COL21A1: variants seen among roughly 807,000 people sequenced by gnomAD.
COL21A1 encodes collagen type XXI alpha 1 chain, also known as collagen alpha-1(XXI) chain.
In COL21A1, 149 loss-of-function variants were observed where a neutral mutation model predicts 137.9. The observed-to-expected ratio is 1.08, with a 90% CI of 0.95 to 1.24. The LOEUF is 1.24. Ranked by LOEUF, COL21A1 falls within the 50% of genes most tolerant of loss-of-function variation. The pLI, the probability that COL21A1 is intolerant of heterozygous loss-of-function variation, is 0.00. For synonymous variants in COL21A1, 456 were observed against 391.5 expected (o/e 1.16, Z -1.95); for missense variants, 1,167 against 1,158.4 (o/e 1.01, Z -0.11).
At chr6:56,198,536 T>C (rs1489654097) in intron 1 of COL21A1, among the ~76,000 whole-genome samples, 1 of 151,830 alleles carries the variant, frequency 6.6e-6, no homozygotes, top group African/African-American at 2.4e-5. Flanking sequence ...TTGTTAAACC[T>C]CACATAAATA....
At chr6:56,280,069 A>G (rs1204356407) in intron 1 of COL21A1, among the ~76,000 whole-genome samples, 1 of 152,074 alleles carries the variant, frequency 6.6e-6, no homozygotes, top group Non-Finnish European at 1.5e-5. Context: ...CCTTCCAAAT[A>G]ATGTTTTACT....
intron 16 of COL21A1, among the ~76,000 whole-genome samples, chr6:56,115,704 A>C (rs1055782091): frequency 6.6e-6 from 1 of 152,206 alleles, no homozygotes; most frequent in Non-Finnish European, 1.5e-5. Context: ...ATTCTAGAGA[A>C]ATAGAAATAT....
At chr6:56,295,612 C>G (rs922501373) in intron 1 of COL21A1, among the ~76,000 whole-genome samples, 1 of 98,854 alleles carries the variant, frequency 1.0e-5, no homozygotes, top group Non-Finnish European at 2.3e-5. Flanking sequence ...TCTTTGATTT[C>G]TTTCATCAGA....
intron 1 of COL21A1, among the ~76,000 whole-genome samples, chr6:56,286,535 T>C (rs1763918301): frequency 6.6e-6 from 1 of 152,230 alleles, no homozygotes; most frequent in Non-Finnish European, 1.5e-5. Flanking sequence ...GCTGATACCA[T>C]GTAAGCTACT....
intron 1 of COL21A1, among the ~76,000 whole-genome samples, chr6:56,280,170 A>T (rs1441947384): frequency 6.6e-6 from 1 of 152,176 alleles, no homozygotes; most frequent in Non-Finnish European, 1.5e-5. Context: ...GTTCATACCA[A>T]GGACTCATCT....
chr6:56,123,076 A>G (rs1415837998), intron 16 of COL21A1, among the ~76,000 whole-genome samples: 2 of 152,260 alleles, frequency 1.3e-5, no homozygotes, highest in African/African-American at 4.8e-5. Context: ...AGGCAAAGAT[A>G]AAGTCTGTGT....
intron 16 of COL21A1, among the ~76,000 whole-genome samples, chr6:56,104,947 T>G (rs907828962): frequency 1.4e-4 from 22 of 152,196 alleles, no homozygotes; most frequent in African/African-American, 5.1e-4. Flanking sequence ...CATGAAAATA[T>G]AGTTTAATTT....
chr6:56,260,603 G>A (rs1319212912), intron 1 of COL21A1, among the ~76,000 whole-genome samples: 1 of 128,808 alleles, frequency 7.8e-6, no homozygotes, highest in Admixed American at 8.3e-5. Flanking sequence ...AGAAGAAGAA[G>A]AAGAAGAAAG....
chr6:56,150,836 G>T (rs1206623739), intron 10 of COL21A1, among the ~76,000 whole-genome samples: 1 of 152,194 alleles, frequency 6.6e-6, no homozygotes, highest in African/African-American at 2.4e-5. Flanking sequence ...GCCCATAAAA[G>T]CAAAGCAGCC....
intron 1 of COL21A1, among the ~76,000 whole-genome samples, chr6:56,275,045 C>G (rs1035393758): frequency 1.3e-5 from 2 of 151,966 alleles, no homozygotes; most frequent in Non-Finnish European, 2.9e-5. Flanking sequence ...AATAGAGAAC[C>G]CAGAAATAAA....
chr6:56,166,864 A>C, intron 7 of COL21A1, 42 bp downstream of exon 7: 1 of 1,404,590 alleles, frequency 7.1e-7, no homozygotes, highest in South Asian at 1.2e-5. Context: ...CTTTGAAAGT[A>C]CTAAAGCAAC....
intron 1 of COL21A1, among the ~76,000 whole-genome samples, chr6:56,246,473 T>C (rs985254134): frequency 4.0e-5 from 6 of 151,682 alleles, no homozygotes; most frequent in Non-Finnish European, 8.8e-5. Flanking sequence ...CAGTATGCTT[T>C]TTTTTTTTCA....
intron 1 of COL21A1, among the ~76,000 whole-genome samples, chr6:56,197,785 T>C (rs1332189195): frequency 6.6e-6 from 1 of 151,986 alleles, no homozygotes; most frequent in Admixed American, 6.6e-5. Flanking sequence ...TTATGAAAAA[T>C]AGTATAGAGG....
At chr6:56,172,425 G>T (rs1777141714) in intron 3 of COL21A1, among the ~76,000 whole-genome samples, 7 of 152,120 alleles carry the variant, frequency 4.6e-5, no homozygotes, top group Admixed American at 4.6e-4. Context: ...TGCTATGTCT[G>T]GCAGAACTGT....
chr6:56,210,885 G>C (rs1780113729), intron 1 of COL21A1, among the ~76,000 whole-genome samples: 1 of 151,910 alleles, frequency 6.6e-6, no homozygotes, highest in East Asian at 1.9e-4. Flanking sequence ...TGCAGTTGTG[G>C]ACTTTGTTGA....
intron 1 of COL21A1, among the ~76,000 whole-genome samples, chr6:56,188,671 C>A (rs115539806): frequency 6.6e-6 from 1 of 152,174 alleles, no homozygotes; most frequent in African/African-American, 2.4e-5. Flanking sequence ...GGGTCCCTGA[C>A]GCCCGTTTAT....
At chr6:56,136,237 G>A (rs1230408636) in intron 12 of COL21A1, among the ~76,000 whole-genome samples, 1 of 152,154 alleles carries the variant, frequency 6.6e-6, no homozygotes, top group Non-Finnish European at 1.5e-5. Flanking sequence ...TGATAAATAT[G>A]TAGTTTGAGG....
intron 1 of COL21A1, among the ~76,000 whole-genome samples, chr6:56,209,719 C>T (rs1381922230): frequency 2.0e-5 from 3 of 152,052 alleles, no homozygotes; most frequent in African/African-American, 4.8e-5. Context: ...GACAGTGTGG[C>T]GATTCCTCAA....
At chr6:56,259,399 T>C (rs1442868102) in intron 1 of COL21A1, among the ~76,000 whole-genome samples, 1 of 152,218 alleles carries the variant, frequency 6.6e-6, no homozygotes, top group Non-Finnish European at 1.5e-5. Context: ...TTCTAGTACA[T>C]TCCCATCATT....
Sources: allele counts gnomAD v4.1 joint callset (sites outside exome capture counted in the v4.1 genomes callset), GRCh38; gene constraint gnomAD v4.1.1; transcripts MANE v1.5; gene names NCBI Gene and HGNC (gene_info 2026-07-23, HGNC 2026-07-21).